Variants in DPYSL2 observed in about 807,000 individuals in gnomAD.
DPYSL2 encodes the protein dihydropyrimidinase like 2.
Under a neutral mutation model 69.9 loss-of-function variants are expected in DPYSL2, and 13 were observed. The observed-to-expected ratio is 0.19, with a 90% CI of 0.12 to 0.30. DPYSL2 has a LOEUF of 0.30. Among genes scored for constraint, DPYSL2 ranks in the 10% least tolerant of loss-of-function variants. The probability of loss-of-function intolerance (pLI) is 1.00; values close to 1 mark genes in which losing one functional copy is unlikely to be tolerated. For synonymous variants in DPYSL2, 326 were observed against 359.1 expected (o/e 0.91, Z 1.04); for missense variants, 587 against 918.9 (o/e 0.64, Z 4.67).
In DPYSL2 at chr8:26,619,402, T is replaced by G. The variant is rs544622533; in HGVS notation, c.629-4741T>G. The G allele has an allele frequency of 6.6e-6, 1 of 152,116 alleles. No individual in the cohort carries two copies. The highest frequency in any genetic ancestry group is 2.1e-4 in the South Asian group (1 of 4,832). The allele number at this position is 152,116 out of a possible 1,614,324, so 9.4% of individuals were successfully genotyped here. A position where few individuals can be genotyped will look rare whatever the true frequency, so the allele number is the denominator to read the frequency against. Reference sequence around the variant, plus strand: ...GCTCAGCTGTGTCCGGGTCCTGAGTTTTTCAAGGGTTTATAACCCCCGGAG... The same window carrying G: ...GCTCAGCTGTGTCCGGGTCCTGAGTGTTTCAAGGGTTTATAACCCCCGGAG... On this transcript the variant is annotated intron_variant, in intron 3 of 13. Coordinates refer to ENST00000521913, the MANE Select transcript of DPYSL2 (RefSeq NM_001197293.3). This position sits in a 1 kb window ranked among gnomAD's most constrained non-coding sequence, Gnocchi z 4.8.
intron 3 of DPYSL2, among the ~76,000 whole-genome samples, chr8:26,623,039 C>T (rs374355878): frequency 3.9e-5 from 6 of 152,302 alleles, no homozygotes; most frequent in African/African-American, 1.4e-4. Flanking sequence ...TATTTTAGTG[C>T]TTGTGTGCAG....
intron 8 of DPYSL2, among the ~76,000 whole-genome samples, chr8:26,638,434 C>T (rs1158895943): frequency 6.6e-6 from 1 of 152,198 alleles, no homozygotes; most frequent in Non-Finnish European, 1.5e-5. Context: ...CCTGCTGGTC[C>T]AGAATCTAAG....
chr8:26,538,731 T>G (rs773595758), intron 1 of DPYSL2, among the ~76,000 whole-genome samples: 1 of 152,252 alleles, frequency 6.6e-6, no homozygotes, highest in African/African-American at 2.4e-5. Context: ...AGCCTAGCTC[T>G]GTGGCTACTG....
intron 3 of DPYSL2, among the ~76,000 whole-genome samples, chr8:26,606,331 TCAGAAGAGAC>T (rs1285702250): frequency 1.3e-5 from 2 of 152,052 alleles, no homozygotes; most frequent in African/African-American, 4.8e-5. Flanking sequence ...AACAGTAAAG[TCAGAAGAGAC>T]CAGAAGAAAA....
intron 1 of DPYSL2, among the ~76,000 whole-genome samples, chr8:26,518,627 G>A (rs1421548879): frequency 6.6e-6 from 1 of 151,910 alleles, no homozygotes; most frequent in Admixed American, 6.6e-5. Flanking sequence ...CCAGCCCCTG[G>A]CAACCACCAT....
At position 26,514,864 on chromosome 8, in the gene DPYSL2, G is replaced by A. The variant is rs926218512; in HGVS notation, c.354+185G>A. Among the ~76,000 whole-genome samples, 1 of 152,210 alleles carries A rather than the reference G, an allele frequency of 6.6e-6. No individual in the cohort carries two copies. The highest frequency in any genetic ancestry group is 1.5e-5 in the Non-Finnish European group (1 of 68,024). ...TGCGGCGAGGCTCGGGCTGGGCGGT[G>A]GGCGGCCGTGCGCCCACAAAGGCTG... On this transcript the variant is annotated intron_variant, in intron 1 of 13. Coordinates refer to ENST00000521913, the MANE Select transcript of DPYSL2 (RefSeq NM_001197293.3). The surrounding 1 kb of genome is among the most constrained non-coding windows in gnomAD (Gnocchi z 8.4).
chr8:26,657,848 G>A lies in DPYSL2; in HGVS notation c.*2142G>A, dbSNP rs145051877. On this transcript the variant is annotated 3_prime_UTR_variant, in exon 14 of 14. Transcript: ENST00000521913. ...ACCTGTTGGCTTGCTTTGTGTGTCTGTTAAATGAATGTCATATGTAAATGC... is the reference window on the plus strand; with the variant it reads ...ACCTGTTGGCTTGCTTTGTGTGTCTATTAAATGAATGTCATATGTAAATGC... 7 of 152,684 alleles carry A rather than the reference G, an allele frequency of 4.6e-5. No homozygotes were observed. Among genetic ancestry groups the A allele is most frequent in the Non-Finnish European group, 8.8e-5 (6 of 68,016 alleles). 9.5% of individuals were successfully genotyped at this position (152,684 alleles called of 1,614,324 possible).
At chr8:26,550,575 G>A (rs958001483) in intron 1 of DPYSL2, among the ~76,000 whole-genome samples, 1 of 134,650 alleles carries the variant, frequency 7.4e-6, no homozygotes, top group African/African-American at 2.9e-5. Context: ...AATACAGATA[G>A]ATTAAAAGGA....
At chr8:26,526,804 C>T (rs192776089) in intron 1 of DPYSL2, among the ~76,000 whole-genome samples, 10 of 152,282 alleles carry the variant, frequency 6.6e-5, no homozygotes, top group Admixed American at 2.0e-4. Flanking sequence ...GTGTGTTCCA[C>T]GGGGGATCCA....
chr8:26,608,076 CAAAA>C (rs11355802), intron 3 of DPYSL2, among the ~76,000 whole-genome samples: 1 of 73,940 alleles, frequency 1.4e-5, no homozygotes, highest in Non-Finnish European at 3.1e-5. Context: ...GACTCCATCT[CAAAA>C]AAAAAAAAAA....
At chr8:26,607,657 T>TTG in intron 3 of DPYSL2, among the ~76,000 whole-genome samples, 1 of 151,736 alleles carries the variant, frequency 6.6e-6, no homozygotes, top group South Asian at 2.1e-4. Context: ...GGACATGGTT[T>TTG]TGTGTGCCTG....
In DPYSL2 at chr8:26,626,705, G is replaced by A. The variant is rs1425203786; in HGVS notation, c.855+27G>A. ...TAAGAAAGTCGGCTTTTCGGAAGAGGCACCCTGACATTTGGTACCTTCAGG... is the reference window on the plus strand; with the variant it reads ...TAAGAAAGTCGGCTTTTCGGAAGAGACACCCTGACATTTGGTACCTTCAGG... On this transcript the variant is annotated intron_variant, in intron 5 of 13. Transcript: ENST00000521913. This position sits in a 1 kb window ranked among gnomAD's most constrained non-coding sequence, Gnocchi z 4.3. 7 of 1,612,498 alleles carry A rather than the reference G, an allele frequency of 4.3e-6. No homozygotes were observed. The South Asian group carries it at 4.4e-5, about 10-fold the overall frequency.
intron 1 of DPYSL2, among the ~76,000 whole-genome samples, chr8:26,537,391 T>C (rs1327806589): frequency 1.3e-5 from 2 of 152,214 alleles, no homozygotes; most frequent in Non-Finnish European, 2.9e-5. Flanking sequence ...AGTCATTTGC[T>C]AGTTTTTGTC....
At chr8:26,518,682 A>G (rs899095296) in intron 1 of DPYSL2, among the ~76,000 whole-genome samples, 1 of 152,134 alleles carries the variant, frequency 6.6e-6, no homozygotes, top group Non-Finnish European at 1.5e-5. Flanking sequence ...GACTCCTCAT[A>G]TAAGTGAAAT....
At chr8:26,577,259 G>A (rs906164792) in intron 1 of DPYSL2, 24 of 381,758 alleles carry the variant, frequency 6.3e-5, no homozygotes, top group Non-Finnish European at 1.1e-4. Context: ...GGGCCCGGAC[G>A]CTCCCGGGAA....
rs1258984090 is a variant in DPYSL2, at chr8:26,593,122, C to T, written c.628+9139C>T. On this transcript the variant is annotated intron_variant, in intron 3 of 13. Coordinates refer to ENST00000521913, the MANE Select transcript of DPYSL2 (RefSeq NM_001197293.3). The surrounding 1 kb of genome is among the most constrained non-coding windows in gnomAD (Gnocchi z 5.7). ...GTTAACCCATTTGGGAGGTAGCTTT[C>T]TTTGAATATGACTAAGTGTTCCCCC... is the stretch of plus-strand genomic sequence containing the variant. Among the ~76,000 whole-genome samples the T allele has an allele frequency of 6.6e-6, 1 of 152,068 alleles. No individual in the cohort carries two copies. The highest frequency in any genetic ancestry group is 2.4e-5 in the African/African-American group (1 of 41,378).
rs570463558 is a variant in DPYSL2, at chr8:26,516,732, G to C, written c.354+2053G>C. On this transcript the variant is annotated intron_variant, in intron 1 of 13. Transcript: ENST00000521913. The surrounding 1 kb of genome is among the most constrained non-coding windows in gnomAD (Gnocchi z 4.8). ...TGCCCAGTTATTAGTAACAGAGGGC[G>C]ATTCTAGCTTGGCCTTTCTGCAGCA... Among the ~76,000 whole-genome samples, 1 of 152,126 alleles carries C rather than the reference G, an allele frequency of 6.6e-6. No individual in the cohort carries two copies. The highest frequency in any genetic ancestry group is 1.5e-5 in the Non-Finnish European group (1 of 68,020).
In DPYSL2 at chr8:26,625,124, G is replaced by A. The variant is rs564377802; in HGVS notation, c.793+817G>A. 3.9e-5 allele frequency among the ~76,000 whole-genome samples: 6 copies of A among 152,226 alleles called. No homozygotes were observed. In the East Asian group the frequency reaches 5.8e-4, roughly 15 times the overall value. The stretch of plus-strand genomic sequence containing the variant: ...GTACTAGAATGATAGAAAATGCCCC[G>A]GAATGAAAAGCAAGAGTCTTGGGTT... On this transcript the variant is annotated intron_variant, in intron 4 of 13. Transcript: ENST00000521913.
intron 8 of DPYSL2, among the ~76,000 whole-genome samples, chr8:26,637,195 TACCCATTA>T (rs1802942036): frequency 6.6e-6 from 1 of 152,214 alleles, no homozygotes; most frequent in South Asian, 2.1e-4. Context: ...TTCAAACTGT[TACCCATTA>T]ATCTGTGAAA....
Sources: allele counts gnomAD v4.1 joint callset (sites outside exome capture counted in the v4.1 genomes callset), GRCh38; gene constraint gnomAD v4.1.1; non-coding constraint Gnocchi (gnomAD v3.1); transcripts MANE v1.5; gene names NCBI Gene and HGNC (gene_info 2026-07-23, HGNC 2026-07-21).